Variants in NCAPH observed in about 807,000 individuals in gnomAD.
NCAPH encodes non-SMC condensin I complex subunit H, also known as condensin complex subunit 2.
NCAPH carries 38 observed loss-of-function variants against 85.5 expected under a neutral mutation model. The observed-to-expected ratio is 0.44, with a 90% CI of 0.34 to 0.58. The LOEUF (loss-of-function observed/expected upper bound fraction) is 0.58, where lower values mean the gene tolerates loss of function less well. Ranked by LOEUF, NCAPH falls within the 20% of genes least tolerant of loss-of-function variation. The pLI is 0.01. For missense variants in NCAPH, 789 were observed against 916.6 expected (o/e 0.86, Z 1.80); for synonymous variants, 301 against 335.1 (o/e 0.90, Z 1.11).
chr2:96,344,043 AG>A (rs2064330946), intron 5 of NCAPH, 61 bp from the exon 6 acceptor site: 1 of 1,556,370 alleles, frequency 6.4e-7, no homozygotes, highest in Admixed American at 2.0e-5. Flanking sequence ...AACTTGAGTT[AG>A]TAAGTTCATC....
chr2:96,353,426 T>G (rs1255059913), intron 8 of NCAPH, 29 bp downstream of exon 8: 2 of 1,593,000 alleles, frequency 1.3e-6, no homozygotes, highest in Non-Finnish European at 1.7e-6. Context: ...GGCTCATGGT[T>G]TCAGTTAGTT....
chr2:96,369,594 G>T, intron 17 of NCAPH, 94 bp downstream of exon 17: 1 of 1,305,676 alleles, frequency 7.7e-7, no homozygotes, highest in South Asian at 1.2e-5. Flanking sequence ...GGCTAACATA[G>T]GATTTCTTAA....
chr2:96,366,039 T>G lies in NCAPH; in HGVS notation c.1862T>G (p.Leu621Trp). ...LDITTYGESNLVAEPQKVNKI... is the reference protein window; with the variant it reads ...LDITTYGESNWVAEPQKVNKI... ...ATCACAACATATGGGGAGTCAAACT[T>G]GGTAGCTGAGCCTCAGAAGGTACGG... Residue 621 changes from leucine (L) to tryptophan (W), a missense_variant, in exon 14 of 18, where the codon TTG (leucine) becomes TGG (tryptophan). Transcript: ENST00000240423. 6.2e-7 allele frequency: 1 copy of G among 1,614,180 alleles called. No homozygotes were observed. The highest frequency in any genetic ancestry group is 8.5e-7 in the Non-Finnish European group (1 of 1,180,006).
chr2:96,354,299 T>C lies in NCAPH; in HGVS notation c.1119T>C (p.Phe373=), dbSNP rs755367962. ...CCGATGGGTCCCTGGGGGATGACTT[T>C]GATGCCAACGATGAACCTGACCACA... ...DFPDGSLGDD[F]DANDEPDHTA... Residue 373 remains phenylalanine, a synonymous_variant, in exon 9 of 18, where the codon TTT becomes TTC. Transcript: ENST00000240423. The C allele has an allele frequency of 1.2e-5, 20 of 1,613,930 alleles. No individual in the cohort carries two copies. In the East Asian group the frequency reaches 4.5e-4, roughly 36 times the overall value.
chr2:96,344,196 C>T lies in NCAPH; in HGVS notation c.687C>T (p.Asn229=), dbSNP rs760742546. The T allele has an allele frequency of 2.5e-6, 4 of 1,612,872 alleles. No homozygotes were observed. The highest frequency in any genetic ancestry group is 1.7e-5 in the Admixed American group (1 of 59,594). ...LHRTIEQNIN[N]LNVSEADRKC... ...GAACTATTGAGCAGAACATAAACAA[C>T]CTCAATGTCTCCGAAGCAGATCGGA... The change falls in exon 6 of 18, where the codon AAC becomes AAT. Residue 229 remains asparagine (N), a synonymous_variant. Transcript: ENST00000240423.
intron 1 of NCAPH, among the ~76,000 whole-genome samples, chr2:96,337,143 A>G (rs942593153): frequency 1.3e-5 from 2 of 152,250 alleles, no homozygotes; most frequent in African/African-American, 4.8e-5. Context: ...GGTTGAATGA[A>G]TGGATGCATA....
chr2:96,358,972 C>T (rs765396148), intron 9 of NCAPH, 73 bp from the exon 10 acceptor site: 37 of 1,415,612 alleles, frequency 2.6e-5, no homozygotes, highest in Middle Eastern at 1.8e-4. Flanking sequence ...AGCTCATTTG[C>T]GGACATATGC....
In NCAPH at chr2:96,374,137, T is replaced by C. The variant is rs752563649; in HGVS notation, c.*786T>C. On this transcript the variant is annotated 3_prime_UTR_variant, in exon 18 of 18. Transcript: ENST00000240423. ...CAGCATCCCTAGGAGAAACTTACTA[T>C]TGTGACTCTCATGTTGGAGGAGGAA... 2.6e-5 allele frequency among the ~76,000 whole-genome samples: 4 copies of C among 152,162 alleles called. No homozygotes were observed. Among genetic ancestry groups the C allele is most frequent in the Non-Finnish European group, 4.4e-5 (3 of 68,020 alleles).
At position 96,365,762 on chromosome 2, in the gene NCAPH, T is replaced by G. The variant is rs769193895; in HGVS notation, c.1699-114T>G. On this transcript the variant is annotated intron_variant, in intron 13 of 17. Coordinates refer to ENST00000240423, the MANE Select transcript of NCAPH (RefSeq NM_015341.5). ...AGAAGTTCATCGTAGTGTAACTCAC[T>G]GAGTGAACCATCAGATGGTCTCTTC... 115 of 1,038,182 alleles carry G rather than the reference T, an allele frequency of 1.1e-4. No homozygotes were observed. The Middle Eastern group carries it at 1.7e-3, about 15-fold the overall frequency. 64.3% of individuals were successfully genotyped at this position (1,038,182 alleles called of 1,614,324 possible). A position where few individuals can be genotyped will look rare whatever the true frequency, so the allele number is the denominator to read the frequency against.
At chr2:96,352,045 C>T in intron 7 of NCAPH, 25 bp downstream of exon 7, 3 of 1,566,630 alleles carry the variant, frequency 1.9e-6, no homozygotes, top group Non-Finnish European at 2.6e-6. Context: ...TGCCTTTCAC[C>T]AGAGCATTTC....
rs1166841789 is a variant in NCAPH, at chr2:96,341,797, G to A, written c.175G>A (p.Asp59Asn). 1 of 1,614,102 alleles carries A rather than the reference G, an allele frequency of 6.2e-7. No homozygotes were observed. The highest frequency in any genetic ancestry group is 1.7e-5 in the Admixed American group (1 of 60,014). ...TPVLEDFPQN[D>N]DEKERLQRRR... is the part of the protein sequence containing the mutation. Reference sequence around the variant, plus strand: ...AGTCCTCGAAGACTTTCCTCAGAATGACGATGAGAAGGAGCGGCTGCAGCG... The same window carrying A: ...AGTCCTCGAAGACTTTCCTCAGAATAACGATGAGAAGGAGCGGCTGCAGCG... Residue 59 changes from aspartate (D) to asparagine (N), a missense_variant, in exon 2 of 18, where the codon GAC (aspartate) becomes AAC (asparagine). Asp to Asn is a conservative substitution (Grantham distance 23, BLOSUM62 1). Coordinates refer to ENST00000240423, the MANE Select transcript of NCAPH (RefSeq NM_015341.5).
chr2:96,365,885 A>G lies in NCAPH; in HGVS notation c.1708A>G (p.Ser570Gly), dbSNP rs772113698. 18 of 1,614,202 alleles carry G rather than the reference A, an allele frequency of 1.1e-5. No homozygotes were observed. In the Admixed American group the frequency reaches 1.8e-4, roughly 16 times the overall value. Reference protein sequence around the residue: ...NFCPGLQAADSDDEDLDDLFV... With the variant: ...NFCPGLQAADGDDEDLDDLFV... ...GCTGTTTCTTGCCCAGGCTGCTGAC[A>G]GTGATGATGAAGATTTGGATGACTT... is the stretch of plus-strand genomic sequence containing the variant. Residue 570 changes from serine to glycine, a missense_variant, in exon 14 of 18, where the codon AGT becomes GGT. By Grantham distance (56) the Ser-to-Gly change is moderately conservative. Coordinates refer to ENST00000240423, the MANE Select transcript of NCAPH (RefSeq NM_015341.5).
At position 96,341,758 on chromosome 2, in the gene NCAPH, A is replaced by T. The variant is rs768115835; in HGVS notation, c.136A>T (p.Ile46Phe). 1 of 1,614,152 alleles carries T rather than the reference A, an allele frequency of 6.2e-7. No individual in the cohort carries two copies. Among genetic ancestry groups the T allele is most frequent in the Non-Finnish European group, 8.5e-7 (1 of 1,180,036 alleles). ...CCTGCCCAGGAAGGCGCCTCTCAAT[A>T]TTCCTGGCACCCCAGTCCTCGAAGA... ...MPLPRKAPLN[I>F]PGTPVLEDFP... The change falls in exon 2 of 18, where the codon ATT becomes TTT. Residue 46 changes from isoleucine (I) to phenylalanine (F), a missense_variant. Ile to Phe is a conservative substitution (Grantham distance 21, BLOSUM62 0). Coordinates refer to ENST00000240423, the MANE Select transcript of NCAPH (RefSeq NM_015341.5).
intron 6 of NCAPH, among the ~76,000 whole-genome samples, chr2:96,346,772 C>T (rs2104436056): frequency 6.6e-6 from 1 of 151,894 alleles, no homozygotes; most frequent in Admixed American, 6.6e-5. Flanking sequence ...AATGAGTCAA[C>T]TCAGAGCAGG....
At chr2:96,355,513 CTT>C (rs1285348424) in intron 9 of NCAPH, among the ~76,000 whole-genome samples, 1 of 152,088 alleles carries the variant, frequency 6.6e-6, no homozygotes, top group African/African-American at 2.4e-5. Flanking sequence ...CTGATAATGT[CTT>C]TTAAAGACAT....
At chr2:96,359,352 G>A in intron 10 of NCAPH, 159 bp downstream of exon 10, 1 of 826,636 alleles carries the variant, frequency 1.2e-6, no homozygotes, top group South Asian at 1.8e-5. Flanking sequence ...TGGTCAGTTT[G>A]CCTGGCCTGG....
chr2:96,361,345 C>T (rs2064606236), intron 12 of NCAPH, among the ~76,000 whole-genome samples: 8 of 151,988 alleles, frequency 5.3e-5, no homozygotes, highest in Admixed American at 5.2e-4. Flanking sequence ...CCACTGTGCC[C>T]ACCTGATTCC....
In NCAPH at chr2:96,374,286, G is replaced by A. The variant is rs977840821; in HGVS notation, c.*935G>A. On this transcript the variant is annotated 3_prime_UTR_variant, in exon 18 of 18. Transcript: ENST00000240423. The stretch of plus-strand genomic sequence containing the variant: ...ATTGTGCTATGTGCTACCTGGATAG[G>A]TCATACAGGCTCAGCAGTGGGTGGA... Among the ~76,000 whole-genome samples, 20 of 152,176 alleles carry A rather than the reference G, an allele frequency of 1.3e-4. No homozygotes were observed. Among genetic ancestry groups the A allele is most frequent in the African/African-American group, 4.1e-4 (17 of 41,428 alleles).
chr2:96,345,776 T>C (rs561333578), intron 6 of NCAPH, among the ~76,000 whole-genome samples: 75 of 152,270 alleles, frequency 4.9e-4, no homozygotes, highest in African/African-American at 1.8e-3. Flanking sequence ...AAAACAAATA[T>C]GCAAAATGCT....
Sources: allele counts gnomAD v4.1 joint callset (sites outside exome capture counted in the v4.1 genomes callset), GRCh38; gene constraint gnomAD v4.1.1; transcripts MANE v1.5; gene names NCBI Gene and HGNC (gene_info 2026-07-23, HGNC 2026-07-21).